Variants in CDIP1 observed in about 807,000 individuals in gnomAD.
CDIP1 encodes cell death inducing p53 target 1.
Under a neutral mutation model 17.7 loss-of-function variants are expected in CDIP1, and 9 were observed. That is an observed-to-expected ratio of 0.51 (90% confidence interval 0.31 to 0.89). The LOEUF (loss-of-function observed/expected upper bound fraction) is 0.89. CDIP1 is among the 40% of genes least tolerant of loss of function. CDIP1 has a pLI of 0.05. For synonymous variants in CDIP1, 117 were observed against 109.5 expected, an observed-to-expected ratio of 1.07 and a Z score of -0.43; for missense variants, 263 against 277.9, an observed-to-expected ratio of 0.95 and a Z score of 0.38.
intron 1 of CDIP1, among the ~76,000 whole-genome samples, chr16:4,537,283 C>G (rs1419180275): frequency 6.6e-6 from 1 of 152,132 alleles, no homozygotes; most frequent in African/African-American, 2.4e-5. Flanking sequence ...TGTGGGTGTT[C>G]ACTGTAAAAT....
chr16:4,516,385 A>G (rs1222512327), intron 1 of CDIP1, among the ~76,000 whole-genome samples: 2 of 152,202 alleles, frequency 1.3e-5, no homozygotes, highest in Non-Finnish European at 2.9e-5. Flanking sequence ...TACACTTTAA[A>G]TGGGTGAATT....
At chr16:4,519,321 C>G (rs1440899392) in intron 1 of CDIP1, among the ~76,000 whole-genome samples, 4 of 152,178 alleles carry the variant, frequency 2.6e-5, no homozygotes, top group Non-Finnish European at 5.9e-5. Flanking sequence ...CAGCGGACAC[C>G]AGGTGGACGT....
intron 1 of CDIP1, among the ~76,000 whole-genome samples, chr16:4,535,740 G>T (rs553080604): frequency 6.6e-6 from 1 of 152,372 alleles, no homozygotes; most frequent in East Asian, 1.9e-4. Flanking sequence ...ACGGGTTCAG[G>T]AGCCACCAGA....
chr16:4,513,668 G>T lies in CDIP1; in HGVS notation c.241+28C>A, dbSNP rs776982684. ...CAGACAGCAGCCAGGAGTTCCCCAT[G>T]CTCCCCTCAGATCCCTTCCCCACTC... On this transcript the variant is annotated intron_variant, in intron 4 of 5. Transcript: ENST00000567695. The surrounding 1 kb of genome is among the most constrained non-coding windows in gnomAD (Gnocchi z 4.1). 1 of 1,600,170 alleles carries T rather than the reference G, an allele frequency of 6.2e-7. No homozygotes were observed.
intron 1 of CDIP1, among the ~76,000 whole-genome samples, chr16:4,530,314 G>A (rs1354731466): frequency 6.6e-6 from 1 of 152,150 alleles, no homozygotes; most frequent in Non-Finnish European, 1.5e-5. Flanking sequence ...CATTGGTTGG[G>A]TGTGAAACAA....
chr16:4,527,958 AC>A (rs2059017011), intron 1 of CDIP1, among the ~76,000 whole-genome samples: 1 of 151,952 alleles, frequency 6.6e-6, no homozygotes, highest in South Asian at 2.1e-4. Context: ...CAAGGATTAC[AC>A]GCACCCGCCA....
At chr16:4,527,462 T>G (rs1022841390) in intron 1 of CDIP1, among the ~76,000 whole-genome samples, 1 of 152,180 alleles carries the variant, frequency 6.6e-6, no homozygotes, top group Non-Finnish European at 1.5e-5. Flanking sequence ...CTAAAAGTAC[T>G]AAGGCCTCTA....
intron 1 of CDIP1, among the ~76,000 whole-genome samples, chr16:4,525,867 C>A (rs2058994599): frequency 6.6e-6 from 1 of 152,194 alleles, no homozygotes; most frequent in South Asian, 2.1e-4. Context: ...TCCCATTGTC[C>A]TGATGGAGGC....
chr16:4,528,454 C>T (rs1186284950), intron 1 of CDIP1, among the ~76,000 whole-genome samples: 1 of 152,076 alleles, frequency 6.6e-6, no homozygotes, highest in Non-Finnish European at 1.5e-5. Context: ...CATACAGAAA[C>T]GTTCTACTGA....
chr16:4,513,618 TG>T lies in CDIP1; in HGVS notation c.241+77del. 1 of 1,321,424 alleles carries T rather than the reference TG, an allele frequency of 7.6e-7. No individual in the cohort carries two copies. The highest frequency in any genetic ancestry group is 1.9e-5 in the Admixed American group (1 of 53,882). 81.9% of individuals were successfully genotyped at this position (1,321,424 alleles called of 1,614,324 possible). On this transcript the variant is annotated intron_variant, in intron 4 of 5. Transcript: ENST00000567695. This position sits in a 1 kb window ranked among gnomAD's most constrained non-coding sequence, Gnocchi z 4.1. ...CCCTGCCCTACAGCAGATGCCCACCTGTACTGAGGACAGCCAGCGCAGGCCA... is the reference window on the plus strand; with the variant it reads ...CCCTGCCCTACAGCAGATGCCCACCTTACTGAGGACAGCCAGCGCAGGCCA...
intron 1 of CDIP1, among the ~76,000 whole-genome samples, chr16:4,527,846 CGCTCTTGTTGCCCA>C (rs2059015688): frequency 6.6e-6 from 1 of 152,112 alleles, no homozygotes; most frequent in Non-Finnish European, 1.5e-5. Context: ...GATGGAGTCT[CGCTCTTGTTGCCCA>C]GGCTGGAATG....
Position 4,514,374 on chromosome 16 carries a change from G to A in CDIP1, c.-15+201C>T, listed in dbSNP as rs2058867361. Among the ~76,000 whole-genome samples, 1 of 152,196 alleles carries A rather than the reference G, an allele frequency of 6.6e-6. No individual in the cohort carries two copies. The highest frequency in any genetic ancestry group is 2.4e-5 in the African/African-American group (1 of 41,438). The stretch of plus-strand genomic sequence containing the variant: ...TCCCTGTTTGGAAGCTGAAGGGCAA[G>A]GACAGAACCCAGGAAGCAGGGCCCA... On this transcript the variant is annotated intron_variant, in intron 2 of 5. Transcript: ENST00000567695. This position sits in a 1 kb window ranked among gnomAD's most constrained non-coding sequence, Gnocchi z 5.2.
At chr16:4,536,258 CAACTGAG>C (rs1269613823) in intron 1 of CDIP1, among the ~76,000 whole-genome samples, 1 of 152,208 alleles carries the variant, frequency 6.6e-6, no homozygotes, top group Non-Finnish European at 1.5e-5. Flanking sequence ...CCCACTCAGG[CAACTGAG>C]TAGGGTGAAG....
At chr16:4,521,605 G>A (rs1197282828) in intron 1 of CDIP1, among the ~76,000 whole-genome samples, 1 of 150,044 alleles carries the variant, frequency 6.7e-6, no homozygotes, top group Non-Finnish European at 1.5e-5. Flanking sequence ...GCTCAGGCCT[G>A]TAATTCCAGC....
At chr16:4,537,401 G>T (rs759511772) in intron 1 of CDIP1, among the ~76,000 whole-genome samples, 19 of 152,154 alleles carry the variant, frequency 1.2e-4, no homozygotes, top group Non-Finnish European at 2.4e-4. Context: ...AAGGGCAGAG[G>T]GCAAGGCAGA....
chr16:4,520,096 T>A (rs1596488559), intron 1 of CDIP1, among the ~76,000 whole-genome samples: 1 of 150,778 alleles, frequency 6.6e-6, no homozygotes, highest in Non-Finnish European at 1.5e-5. Flanking sequence ...TAATACTACA[T>A]CAAGACTTGA....
intron 1 of CDIP1, among the ~76,000 whole-genome samples, chr16:4,522,092 T>C (rs1213978963): frequency 6.6e-6 from 1 of 152,226 alleles, no homozygotes. Context: ...TACCGGATTC[T>C]GGAGGGACTT....
At chr16:4,519,788 C>T (rs961037104) in intron 1 of CDIP1, among the ~76,000 whole-genome samples, 1 of 151,596 alleles carries the variant, frequency 6.6e-6, no homozygotes, top group African/African-American at 2.4e-5. Context: ...GCTTCCCCTC[C>T]CCTTCTCACC....
chr16:4,524,314 G>T (rs2141646587), intron 1 of CDIP1: 1 of 152,396 alleles, frequency 6.6e-6, no homozygotes, highest in Middle Eastern at 3.4e-3. Context: ...TGCAAAGGAA[G>T]AAGGCAGAAT....
Sources: gnomAD v4.1 joint callset for allele counts (sites outside exome capture counted in the v4.1 genomes callset) on GRCh38, gnomAD v4.1.1 for gene constraint, Gnocchi (gnomAD v3.1) non-coding constraint, MANE v1.5 for transcripts, NCBI Gene and HGNC (gene_info 2026-07-23, HGNC 2026-07-21) for gene names.